Variants in ZNF385B observed in about 807,000 individuals in gnomAD.
The protein encoded by ZNF385B is zinc finger protein 385B.
ZNF385B carries 23 observed loss-of-function variants against 39.2 expected under a neutral mutation model. That is an observed-to-expected ratio of 0.59 (90% CI 0.42 to 0.83). The LOEUF (loss-of-function observed/expected upper bound fraction) is 0.83. Among genes scored for constraint, ZNF385B ranks in the 40% least tolerant of loss-of-function variants. The pLI is 0.00. For synonymous variants in ZNF385B, 205 were observed against 222.6 expected, an observed-to-expected ratio of 0.92 and a Z score of 0.70; for missense variants, 552 against 598.9, an observed-to-expected ratio of 0.92 and a Z score of 0.82.
intron 3 of ZNF385B, among the ~76,000 whole-genome samples, chr2:179,666,319 G>A (rs1695151603): frequency 6.6e-6 from 1 of 152,114 alleles, no homozygotes. Flanking sequence ...TCGTCTGAGA[G>A]GCATATGGCA....
intron 3 of ZNF385B, among the ~76,000 whole-genome samples, chr2:179,632,571 T>C (rs1438679092): frequency 6.6e-6 from 1 of 152,212 alleles, no homozygotes; most frequent in East Asian, 1.9e-4. Context: ...GGGAAATTTA[T>C]AGCACTAAAT....
At chr2:179,605,067 C>T (rs1688694429) in intron 3 of ZNF385B, among the ~76,000 whole-genome samples, 1 of 152,048 alleles carries the variant, frequency 6.6e-6, no homozygotes, top group Non-Finnish European at 1.5e-5. Flanking sequence ...TCTCCCCTAT[C>T]TCAAGGATTT....
intron 3 of ZNF385B, among the ~76,000 whole-genome samples, chr2:179,583,033 G>C (rs1349660403): frequency 6.6e-6 from 1 of 152,114 alleles, no homozygotes; most frequent in Non-Finnish European, 1.5e-5. Flanking sequence ...ATTTTTAGTA[G>C]AGACGGGGGT....
chr2:179,823,678 A>G (rs981310054), intron 1 of ZNF385B, among the ~76,000 whole-genome samples: 8 of 152,292 alleles, frequency 5.3e-5, no homozygotes, highest in African/African-American at 1.9e-4. Context: ...TTTGTCTGCC[A>G]AGAATAATTT....
At chr2:179,497,564 CA>C (rs1337942169) in intron 5 of ZNF385B, among the ~76,000 whole-genome samples, 2 of 147,844 alleles carry the variant, frequency 1.4e-5, no homozygotes, top group African/African-American at 5.0e-5. Context: ...AATGAATATA[CA>C]AAAAAATAAA....
intron 3 of ZNF385B, among the ~76,000 whole-genome samples, chr2:179,671,877 G>T (rs1182472350): frequency 6.6e-6 from 1 of 152,262 alleles, no homozygotes; most frequent in Non-Finnish European, 1.5e-5. Context: ...CTGTCACCAG[G>T]ACAGCACCAC....
At chr2:179,700,404 C>T (rs1284647227) in intron 3 of ZNF385B, among the ~76,000 whole-genome samples, 1 of 152,198 alleles carries the variant, frequency 6.6e-6, no homozygotes, top group Admixed American at 6.5e-5. Context: ...CTAGGTTTTG[C>T]ATCCTTATTC....
intron 3 of ZNF385B, among the ~76,000 whole-genome samples, chr2:179,751,354 AC>A (rs1310989320): frequency 3.3e-5 from 5 of 152,118 alleles, no homozygotes; most frequent in Non-Finnish European, 4.4e-5. Flanking sequence ...GAGTGAAGAA[AC>A]TATCATACTT....
In ZNF385B at chr2:179,637,787, C is replaced by T. The variant is rs112145903; in HGVS notation, c.299-92818G>A. Among the ~76,000 whole-genome samples, 13 of 152,242 alleles carry T rather than the reference C, an allele frequency of 8.5e-5. No individual in the cohort carries two copies. The East Asian group carries it at 9.6e-4, about 11-fold the overall frequency. On this transcript the variant is annotated intron_variant, in intron 3 of 9. Transcript: ENST00000410066. Reference sequence around the variant, plus strand: ...ATCCCAGAGACAGATTGTTAATCACCGCTCCATATTGCCCTGCAGTATTAG... The same window carrying T: ...ATCCCAGAGACAGATTGTTAATCACTGCTCCATATTGCCCTGCAGTATTAG...
At chr2:179,538,835 T>C (rs1411984380) in intron 4 of ZNF385B, among the ~76,000 whole-genome samples, 1 of 152,212 alleles carries the variant, frequency 6.6e-6, no homozygotes, top group East Asian at 1.9e-4. Context: ...CTAGAGCAGT[T>C]GTAAAAACAT....
intron 5 of ZNF385B, among the ~76,000 whole-genome samples, chr2:179,500,808 C>T (rs1195089355): frequency 3.9e-5 from 6 of 151,978 alleles, no homozygotes; most frequent in African/African-American, 1.4e-4. Flanking sequence ...AGAGACAACC[C>T]ATAGAATGGG....
chr2:179,656,917 C>A (rs1515282), intron 3 of ZNF385B, among the ~76,000 whole-genome samples: 1 of 152,032 alleles, frequency 6.6e-6, no homozygotes. Context: ...TTATTGCTTA[C>A]AATTGTATGG....
At chr2:179,607,610 G>A (rs1411053916) in intron 3 of ZNF385B, among the ~76,000 whole-genome samples, 2 of 152,150 alleles carry the variant, frequency 1.3e-5, no homozygotes, top group African/African-American at 2.4e-5. Flanking sequence ...AGATAGAGGA[G>A]GAGCTAATAA....
At chr2:179,806,612 TCTTA>T (rs1483483388) in intron 1 of ZNF385B, among the ~76,000 whole-genome samples, 6 of 152,324 alleles carry the variant, frequency 3.9e-5, no homozygotes, top group African/African-American at 1.4e-4. Flanking sequence ...AACACTGATA[TCTTA>T]CTTAAGGCTC....
chr2:179,670,164 C>T (rs1223905176), intron 3 of ZNF385B, among the ~76,000 whole-genome samples: 4 of 151,898 alleles, frequency 2.6e-5, no homozygotes, highest in African/African-American at 9.7e-5. Flanking sequence ...TGATGGCGGG[C>T]GCCTGTAGTC....
At chr2:179,814,879 G>A (rs1358265988) in intron 1 of ZNF385B, among the ~76,000 whole-genome samples, 1 of 152,172 alleles carries the variant, frequency 6.6e-6, no homozygotes, top group Non-Finnish European at 1.5e-5. Context: ...ATGAAAGGAA[G>A]ATTTTAAAAG....
chr2:179,677,415 C>T (rs1295227306), intron 3 of ZNF385B, among the ~76,000 whole-genome samples: 4 of 152,052 alleles, frequency 2.6e-5, no homozygotes, highest in African/African-American at 9.7e-5. Context: ...AGAATGATTC[C>T]AGAGAAAATA....
At chr2:179,609,166 T>C (rs1033811518) in intron 3 of ZNF385B, among the ~76,000 whole-genome samples, 1 of 152,126 alleles carries the variant, frequency 6.6e-6, no homozygotes, top group Non-Finnish European at 1.5e-5. Context: ...GTATTCATTC[T>C]ATCTAACTAC....
chr2:179,693,907 A>C (rs550327516), intron 3 of ZNF385B, among the ~76,000 whole-genome samples: 1 of 152,334 alleles, frequency 6.6e-6, no homozygotes, highest in East Asian at 1.9e-4. Context: ...CTAAATCCTT[A>C]AATAACTCAA....
Sources: gnomAD v4.1 joint callset for allele counts (sites outside exome capture counted in the v4.1 genomes callset) on GRCh38, gnomAD v4.1.1 for gene constraint, MANE v1.5 for transcripts, NCBI Gene and HGNC (gene_info 2026-07-23, HGNC 2026-07-21) for gene names.